The following FAM219A variants were observed in gnomAD, a reference collection of about 807,000 sequenced individuals.
The protein encoded by FAM219A is protein FAM219A.
A neutral mutation model predicts 23.4 loss-of-function variants in FAM219A; 7 were observed. The observed-to-expected ratio is 0.30, with a 90% CI of 0.17 to 0.56. The LOEUF is 0.56. FAM219A is among the 20% of genes least tolerant of loss of function. The pLI is 0.92. For synonymous variants in FAM219A, 93 were observed against 99.0 expected (o/e 0.94, Z 0.36); for missense variants, 166 against 246.9 (o/e 0.67, Z 2.20).
chr9:34,438,141 C>G (rs1822998176), intron 1 of FAM219A, among the ~76,000 whole-genome samples: 1 of 152,236 alleles, frequency 6.6e-6, no homozygotes, highest in African/African-American at 2.4e-5. Flanking sequence ...GATTTCTCAC[C>G]AAGCCTTAGC....
chr9:34,424,979 T>C (rs1047816872), intron 1 of FAM219A, among the ~76,000 whole-genome samples: 1 of 152,036 alleles, frequency 6.6e-6, no homozygotes, highest in African/African-American at 2.4e-5. Context: ...TAATTTTTTG[T>C]AGTTTTGGTA....
At chr9:34,404,860 G>A (rs1190056661) in intron 2 of FAM219A, among the ~76,000 whole-genome samples, 6 of 152,074 alleles carry the variant, frequency 3.9e-5, no homozygotes, top group Non-Finnish European at 7.4e-5. Flanking sequence ...CCCTGGATGT[G>A]GTCTGGAAGG....
chr9:34,442,079 G>A (rs1823195956), intron 1 of FAM219A, among the ~76,000 whole-genome samples: 1 of 152,224 alleles, frequency 6.6e-6, no homozygotes, highest in Non-Finnish European at 1.5e-5. Context: ...CATATGTTAT[G>A]TGCTTCCTGG....
chr9:34,443,280 T>G (rs1470807629), intron 1 of FAM219A, among the ~76,000 whole-genome samples: 3 of 152,130 alleles, frequency 2.0e-5, no homozygotes, highest in Admixed American at 6.5e-5. Flanking sequence ...TCACCAATGG[T>G]GGGGATCTCC....
intron 1 of FAM219A, among the ~76,000 whole-genome samples, chr9:34,436,972 T>C (rs1822945474): frequency 6.6e-6 from 1 of 152,224 alleles, no homozygotes; most frequent in Non-Finnish European, 1.5e-5. Flanking sequence ...TCTCCTCATT[T>C]ACTTTTTGTT....
intron 1 of FAM219A, among the ~76,000 whole-genome samples, chr9:34,416,661 C>G (rs1313082385): frequency 6.6e-6 from 1 of 151,400 alleles, no homozygotes; most frequent in Non-Finnish European, 1.5e-5. Context: ...TTACTTGAAC[C>G]TGGGAGGTAG....
intron 1 of FAM219A, among the ~76,000 whole-genome samples, chr9:34,420,820 G>GA (rs916346779): frequency 2.7e-5 from 4 of 150,506 alleles, no homozygotes; most frequent in South Asian, 2.1e-4. Flanking sequence ...CTACAAAAAA[G>GA]AAAAAAAAAC....
intron 1 of FAM219A, among the ~76,000 whole-genome samples, chr9:34,425,171 A>G (rs1822411268): frequency 1.3e-5 from 2 of 152,148 alleles, no homozygotes; most frequent in Admixed American, 1.3e-4. Flanking sequence ...AAACCCTTCA[A>G]TAATAGTTTT....
At chr9:34,416,311 G>A (rs10115501) in intron 1 of FAM219A, among the ~76,000 whole-genome samples, 3,100 of 114,762 alleles carry the variant, frequency 0.027, 166 homozygotes, top group African/African-American at 0.079. Context: ...AGGAAGGAAC[G>A]AAGGAAGGAA....
At chr9:34,431,859 C>T (rs983496573) in intron 1 of FAM219A, among the ~76,000 whole-genome samples, 1 of 152,174 alleles carries the variant, frequency 6.6e-6, no homozygotes, top group Non-Finnish European at 1.5e-5. Flanking sequence ...GCACACAGCC[C>T]GGGTCCTTGG....
At chr9:34,455,377 G>A (rs536518831) in intron 1 of FAM219A, among the ~76,000 whole-genome samples, 1 of 152,068 alleles carries the variant, frequency 6.6e-6, no homozygotes, top group African/African-American at 2.4e-5. Context: ...CTGAGCCTGG[G>A]ACCCTGGTTT....
At chr9:34,418,712 A>C (rs557013001) in intron 1 of FAM219A, among the ~76,000 whole-genome samples, 1 of 152,286 alleles carries the variant, frequency 6.6e-6, no homozygotes, top group East Asian at 1.9e-4. Flanking sequence ...CTCTTTAGGG[A>C]AAGATCATCT....
intron 1 of FAM219A, 40 bp from the exon 2 acceptor site, chr9:34,406,004 G>A (rs1217851788): frequency 1.3e-6 from 2 of 1,557,044 alleles, no homozygotes; most frequent in African/African-American, 1.4e-5. Flanking sequence ...TTGTTAGGGA[G>A]TGAAGACAGG....
In FAM219A at chr9:34,398,568, G is replaced by A; in HGVS notation, c.*2396C>T. On this transcript the variant is annotated 3_prime_UTR_variant, in exon 6 of 6. Coordinates refer to ENST00000651358, the MANE Select transcript of FAM219A (RefSeq NM_001184940.2). Reference sequence around the variant, plus strand: ...CAGTTGGAAGCCCTTGCCTGCCAGGGAACTAGTATGTCCTGTGGGGGGGGA... The same window carrying A: ...CAGTTGGAAGCCCTTGCCTGCCAGGAAACTAGTATGTCCTGTGGGGGGGGA... 1.7e-6 allele frequency: 1 copy of A among 605,612 alleles called. No individual in the cohort carries two copies. The highest frequency in any genetic ancestry group is 2.9e-6 in the Non-Finnish European group (1 of 343,234). The allele number at this position is 605,612 out of a possible 1,614,324, so 37.5% of individuals were successfully genotyped here.
chr9:34,413,341 G>A (rs1378782147), intron 1 of FAM219A, among the ~76,000 whole-genome samples: 5 of 152,194 alleles, frequency 3.3e-5, no homozygotes, highest in Non-Finnish European at 5.9e-5. Context: ...GGCCAGAGTG[G>A]AAGGAGATCA....
chr9:34,455,338 C>CA (rs753911793), intron 1 of FAM219A, among the ~76,000 whole-genome samples: 10 of 151,736 alleles, frequency 6.6e-5, no homozygotes, highest in African/African-American at 1.2e-4. Context: ...CAATAAATGG[C>CA]AAAAAAATGA....
intron 1 of FAM219A, among the ~76,000 whole-genome samples, chr9:34,427,243 C>T (rs1220188486): frequency 6.6e-6 from 1 of 152,104 alleles, no homozygotes; most frequent in Non-Finnish European, 1.5e-5. Context: ...GCAATCTCGG[C>T]TCACTGCAGC....
chr9:34,431,331 T>A (rs528959169), intron 1 of FAM219A, among the ~76,000 whole-genome samples: 14 of 152,040 alleles, frequency 9.2e-5, no homozygotes, highest in Admixed American at 8.5e-4. Context: ...GCTCATCAGC[T>A]CCTCCCCTGC....
intron 1 of FAM219A, among the ~76,000 whole-genome samples, chr9:34,455,366 T>C (rs1204692736): frequency 6.6e-6 from 1 of 152,082 alleles, no homozygotes; most frequent in Non-Finnish European, 1.5e-5. Flanking sequence ...CATAGCTAAG[T>C]CTGAGCCTGG....
Sources: gnomAD v4.1 joint callset for allele counts (sites outside exome capture counted in the v4.1 genomes callset) on GRCh38, gnomAD v4.1.1 for gene constraint, MANE v1.5 for transcripts, NCBI Gene and HGNC (gene_info 2026-07-23, HGNC 2026-07-21) for gene names.